The following AUTS2 variants were observed in gnomAD, a reference collection of about 807,000 sequenced individuals.
AUTS2 encodes the protein autism susceptibility gene 2 protein.
AUTS2 carries 17 observed loss-of-function variants against 112.4 expected under a neutral mutation model. That is an observed-to-expected ratio of 0.15 (90% confidence interval 0.10 to 0.23). The LOEUF is 0.23. Among genes scored for constraint, AUTS2 ranks in the 10% least tolerant of loss-of-function variants. AUTS2 has a pLI of 1.00. For missense variants in AUTS2, 1,510 were observed against 1,701.6 expected, an observed-to-expected ratio of 0.89 and a Z score of 1.98; for synonymous variants, 751 against 702.7, an observed-to-expected ratio of 1.07 and a Z score of -1.09.
At chr7:69,913,666 G>A (rs557343963) in intron 2 of AUTS2, among the ~76,000 whole-genome samples, 1 of 152,198 alleles carries the variant, frequency 6.6e-6, no homozygotes, top group South Asian at 2.1e-4. Flanking sequence ...CCATATGCTA[G>A]CCAGAGTGAT....
intron 4 of AUTS2, among the ~76,000 whole-genome samples, chr7:70,385,615 A>T (rs574488241): frequency 6.6e-6 from 1 of 152,334 alleles, no homozygotes; most frequent in Non-Finnish European, 1.5e-5. Flanking sequence ...GTGCACCTGC[A>T]GTCCCAGCTA....
intron 2 of AUTS2, among the ~76,000 whole-genome samples, chr7:70,079,144 C>T (rs1481369123): frequency 6.6e-6 from 1 of 152,084 alleles, no homozygotes; most frequent in East Asian, 1.9e-4. Flanking sequence ...TCTTTATGTA[C>T]CCCTTACACA....
At chr7:70,213,181 G>A (rs777496814) in intron 4 of AUTS2, among the ~76,000 whole-genome samples, 6 of 151,840 alleles carry the variant, frequency 4.0e-5, no homozygotes, top group Non-Finnish European at 5.9e-5. Context: ...TTTAAAAAAA[G>A]AAATAGATAT....
rs35815016 is a variant in AUTS2 at position 70,513,666 on chromosome 7, C to CTTTTTTTT, written c.690+77894_690+77901dup. Among the ~76,000 whole-genome samples the CTTTTTTTT allele has an allele frequency of 3.6e-5, 5 of 140,428 alleles. 2 individuals carry two copies. Among genetic ancestry groups the CTTTTTTTT allele is most frequent in the African/African-American group, 5.2e-5 (2 of 38,202 alleles). 92.1% of individuals were successfully genotyped at this position (140,428 alleles called of 152,430 possible). A position where few individuals can be genotyped will look rare whatever the true frequency, so the allele number is the denominator to read the frequency against. On this transcript the variant is annotated intron_variant, in intron 5 of 18. Transcript: ENST00000342771. ...TAGAAATCATCTACTTTTCTGTTTC[C>CTTTTTTTT]TTTTTTTTTTTTTTTTGAGATGGAG...
chr7:70,384,656 T>C (rs942804811), intron 4 of AUTS2, among the ~76,000 whole-genome samples: 6 of 152,198 alleles, frequency 3.9e-5, no homozygotes, highest in Admixed American at 3.3e-4. Flanking sequence ...GCCTTGTTGC[T>C]CTGGACTGCT....
intron 1 of AUTS2, among the ~76,000 whole-genome samples, chr7:69,803,893 G>A (rs1169568377): frequency 3.3e-5 from 5 of 152,144 alleles, no homozygotes; most frequent in South Asian, 2.1e-4. Flanking sequence ...TTAGCCAGGC[G>A]TGGTTCCAGG....
intron 5 of AUTS2, among the ~76,000 whole-genome samples, chr7:70,542,621 T>C (rs1585278167): frequency 6.6e-6 from 1 of 152,218 alleles, no homozygotes; most frequent in Non-Finnish European, 1.5e-5. Context: ...TGTTAAACTT[T>C]ATGGTTAACA....
In AUTS2 at chr7:70,739,014, T is replaced by C. The variant is rs1787944000; in HGVS notation, c.743-23856T>C. On this transcript the variant is annotated intron_variant, in intron 6 of 18. Transcript: ENST00000342771. ...CGAGGTTTTGAGGCCTTTTTTTTTT[T>C]TTTTTTTTTTTTTTTTTTTTTTTGA... Among the ~76,000 whole-genome samples, 2 of 114,796 alleles carry C rather than the reference T, an allele frequency of 1.7e-5. 1 individual carries two copies. Among genetic ancestry groups the C allele is most frequent in the Non-Finnish European group, 3.7e-5 (2 of 54,450 alleles). The allele number at this position is 114,796 out of a possible 152,430, so 75.3% of individuals were successfully genotyped here. A position where few individuals can be genotyped will look rare whatever the true frequency, so the allele number is the denominator to read the frequency against.
chr7:70,547,711 T>C (rs34453799), intron 5 of AUTS2, among the ~76,000 whole-genome samples: 10,901 of 152,304 alleles, frequency 0.072, 469 homozygotes, highest in African/African-American at 0.1. Context: ...CATCAGCTTA[T>C]GGACATTTGG....
intron 5 of AUTS2, among the ~76,000 whole-genome samples, chr7:70,621,796 A>G (rs1325518457): frequency 1.4e-5 from 2 of 145,472 alleles, no homozygotes; most frequent in Non-Finnish European, 3.0e-5. Context: ...CTGTTCTGGG[A>G]CGCTACAGCT....
intron 4 of AUTS2, among the ~76,000 whole-genome samples, chr7:70,386,063 A>G (rs1258130760): frequency 6.6e-6 from 1 of 152,220 alleles, no homozygotes; most frequent in Non-Finnish European, 1.5e-5. Flanking sequence ...AATGCTTTTC[A>G]GGTGGCTTAG....
At chr7:69,753,160 G>A (rs1050445747) in intron 1 of AUTS2, among the ~76,000 whole-genome samples, 4 of 152,164 alleles carry the variant, frequency 2.6e-5, no homozygotes, top group Non-Finnish European at 5.9e-5. Context: ...ATGTGATCAT[G>A]TATGTGAGAA....
chr7:70,119,774 G>C lies in AUTS2; in HGVS notation c.624+1541G>C, dbSNP rs1805587720. 2.0e-5 allele frequency: 3 copies of C among 151,468 alleles called. No individual in the cohort carries two copies. In the Admixed American group the frequency reaches 2.0e-4, roughly 10 times the overall value. The allele number at this position is 151,468 out of a possible 1,614,324, so 9.4% of individuals were successfully genotyped here. On this transcript the variant is annotated intron_variant, in intron 3 of 18. Transcript: ENST00000342771. ...ATGAAAAAAAAGAGATAGCACTTCA[G>C]AGTGTCTGAGTATTAAGAATAAATA...
chr7:70,006,257 G>T (rs545817326), intron 2 of AUTS2, among the ~76,000 whole-genome samples: 4 of 152,312 alleles, frequency 2.6e-5, no homozygotes. Context: ...AGAGGCTCAT[G>T]TGATGCTATT....
chr7:69,723,447 G>T (rs1398089023), intron 1 of AUTS2, among the ~76,000 whole-genome samples: 2 of 152,062 alleles, frequency 1.3e-5, no homozygotes, highest in Non-Finnish European at 2.9e-5. Context: ...GAATGCCTAG[G>T]TCCCAATTCA....
At chr7:70,486,615 C>T (rs937289008) in intron 5 of AUTS2, among the ~76,000 whole-genome samples, 13 of 151,948 alleles carry the variant, frequency 8.6e-5, no homozygotes, top group African/African-American at 1.5e-4. Context: ...AAAAATTAGC[C>T]GGGCATGGTG....
chr7:70,145,028 T>G (rs1385061398), intron 4 of AUTS2, among the ~76,000 whole-genome samples: 1 of 152,164 alleles, frequency 6.6e-6, no homozygotes, highest in African/African-American at 2.4e-5. Context: ...AGTTCCACAC[T>G]GGTGAAGATC....
At chr7:70,767,609 A>C (rs1248336444) in intron 9 of AUTS2, among the ~76,000 whole-genome samples, 2 of 152,210 alleles carry the variant, frequency 1.3e-5, no homozygotes, top group African/African-American at 2.4e-5. Context: ...AATACATTTC[A>C]GAAGACAGCT....
intron 4 of AUTS2, among the ~76,000 whole-genome samples, chr7:70,154,342 G>T (rs1367521343): frequency 6.6e-6 from 1 of 152,168 alleles, no homozygotes; most frequent in African/African-American, 2.4e-5. Flanking sequence ...CCTTTGACTT[G>T]TGTGGAAGGA....
Sources: gnomAD v4.1 joint callset for allele counts (sites outside exome capture counted in the v4.1 genomes callset) on GRCh38, gnomAD v4.1.1 for gene constraint, MANE v1.5 for transcripts, NCBI Gene and HGNC (gene_info 2026-07-23, HGNC 2026-07-21) for gene names.